Variants in NRK observed in about 807,000 individuals in gnomAD.
NRK encodes nik-related protein kinase.
A neutral mutation model predicts 125.2 loss-of-function variants in NRK; 67 were observed. The ratio of observed to expected loss-of-function variants is 0.54; its 90% CI spans 0.44 to 0.66. The LOEUF (loss-of-function observed/expected upper bound fraction) is 0.66, where lower values mean the gene tolerates loss of function less well. Among genes scored for constraint, NRK ranks in the 30% least tolerant of loss-of-function variants. The pLI, the probability that NRK is intolerant of heterozygous loss-of-function variation, is 0.00. For synonymous variants in NRK, 458 were observed against 429.0 expected (o/e 1.07, Z -0.84); for missense variants, 1,224 against 1,192.9 (o/e 1.03, Z -0.38).
intron 2 of NRK, among the ~76,000 whole-genome samples, chrX:105,850,986 A>C (rs758768808): frequency 8.9e-6 from 1 of 112,125 alleles, no homozygotes; most frequent in African/African-American, 3.2e-5. Context: ...ATTTACTGCA[A>C]TAATAGTCTG....
chrX:105,947,442 CAAAAAAAAAA>C (rs753072138), intron 26 of NRK, among the ~76,000 whole-genome samples: 6 of 17,789 alleles, frequency 3.4e-4, no homozygotes, highest in Admixed American at 3.1e-3. Flanking sequence ...GACTCCGTCT[CAAAAAAAAAA>C]AAAAAAAAAA....
At chrX:105,906,368 C>A in intron 10 of NRK, 46 bp from the exon 11 acceptor site, 1 of 775,266 alleles carries the variant, frequency 1.3e-6, no homozygotes, top group Non-Finnish European at 1.8e-6. Flanking sequence ...AGAGGTCTGA[C>A]AGGACTGAGA....
chrX:105,866,411 A>T (rs1331719959), intron 2 of NRK, among the ~76,000 whole-genome samples: 2 of 112,032 alleles, frequency 1.8e-5, no homozygotes, highest in African/African-American at 6.5e-5. Context: ...ACTAAAAAAT[A>T]ATCAAGGTTA....
At chrX:105,945,824 C>G (rs371962842) in intron 24 of NRK, 48 bp from the exon 25 acceptor site, 91 of 1,123,197 alleles carry the variant, frequency 8.1e-5, no homozygotes, top group Non-Finnish European at 1.1e-4. Context: ...GAGTACATAC[C>G]CAGTATATGG....
rs1307484850 is a variant in NRK at position 105,909,089 on chromosome X, C to T, written c.1448C>T (p.Ala483Val). ...GCCAGGGTGCTCATGCCACTACAGG[C>T]ACAGGTTAGGGCACCTAGGCTTCTG... ...RAARVLMPLQ[A>V]QVRAPRLLQV... The change falls in exon 13 of 29, where the codon GCA (alanine) becomes GTA (valine). Residue 483 changes from alanine (A) to valine (V), a missense_variant. Coordinates refer to ENST00000243300, the MANE Select transcript of NRK (RefSeq NM_198465.4). 1.7e-6 allele frequency: 2 copies of T among 1,209,187 alleles called. No individual in the cohort carries two copies. The highest frequency in any genetic ancestry group is 3.5e-5 in the African/African-American group (2 of 57,152).
intron 16 of NRK, among the ~76,000 whole-genome samples, chrX:105,921,692 TA>T (rs1329987400): frequency 5.3e-4 from 58 of 108,668 alleles, no homozygotes; most frequent in Non-Finnish European, 2.1e-4. Context: ...TAGATAGAGA[TA>T]TTTGGTAAGT....
In NRK at chrX:105,898,729, T is replaced by A; in HGVS notation, c.711+15T>A. 1 of 1,121,319 alleles carries A rather than the reference T, an allele frequency of 8.9e-7. No homozygotes were observed. The highest frequency in any genetic ancestry group is 1.8e-5 in the African/African-American group (1 of 54,484). 92.4% of individuals were successfully genotyped at this position (1,121,319 alleles called of 1,213,427 possible). ...ATGATTACAGAGTGAGTGTGAGAATTCAGCCAGTGGAAATTACAATTTGGA... is the reference window on the plus strand; with the variant it reads ...ATGATTACAGAGTGAGTGTGAGAATACAGCCAGTGGAAATTACAATTTGGA... On this transcript the variant is annotated intron_variant, in intron 8 of 28. Transcript: ENST00000243300.
intron 2 of NRK, among the ~76,000 whole-genome samples, chrX:105,864,583 C>T (rs2039646539): frequency 9.0e-6 from 1 of 111,244 alleles, no homozygotes. Context: ...TACACATACA[C>T]ACACACACAC....
intron 2 of NRK, among the ~76,000 whole-genome samples, chrX:105,843,591 T>C (rs2039356799): frequency 8.9e-6 from 1 of 112,261 alleles, no homozygotes; most frequent in Admixed American, 9.4e-5. Flanking sequence ...TTAGCCTTAC[T>C]TTTTTATTAC....
chrX:105,881,465 A>G (rs1431977831), intron 3 of NRK, among the ~76,000 whole-genome samples: 4 of 112,127 alleles, frequency 3.6e-5, no homozygotes, highest in Non-Finnish European at 5.6e-5. Context: ...AAAGCACTTT[A>G]CTAATAACAA....
At chrX:105,844,415 T>C (rs2039375185) in intron 2 of NRK, among the ~76,000 whole-genome samples, 1 of 111,881 alleles carries the variant, frequency 8.9e-6, no homozygotes, top group African/African-American at 3.2e-5. Context: ...GTTGGTTATT[T>C]GATGGAAATT....
intron 2 of NRK, among the ~76,000 whole-genome samples, chrX:105,849,923 A>G (rs763922529): frequency 1.7e-4 from 19 of 111,679 alleles, no homozygotes; most frequent in Non-Finnish European, 3.0e-4. Flanking sequence ...TGAATTTACA[A>G]TTCTGGGGTC....
At position 105,900,671 on chromosome X, in the gene NRK, T is replaced by C; in HGVS notation, c.765T>C (p.Pro255=). ...CCATTGAAATGGCTGAAGGAGCCCC[T>C]CGTGAGTAAAAAATGTTTGATATTT... ...ITAIEMAEGA[P]PLCNLQPLEA... The change falls in exon 9 of 29, where the codon CCT becomes CCC. Residue 255 remains proline (P), a splice_region_variant and synonymous_variant. Transcript: ENST00000243300. 9.1e-7 allele frequency: 1 copy of C among 1,103,101 alleles called. No individual in the cohort carries two copies. Among genetic ancestry groups the C allele is most frequent in the Non-Finnish European group, 1.2e-6 (1 of 800,640 alleles). The allele number at this position is 1,103,101 out of a possible 1,213,427, so 90.9% of individuals were successfully genotyped here.
rs193157778 is a variant in NRK, at chrX:105,888,574, T to A, written c.378+155T>A. Among the ~76,000 whole-genome samples the A allele has an allele frequency of 1.3e-4, 15 of 111,290 alleles. No homozygotes were observed. The East Asian group carries it at 4.2e-3, about 32-fold the overall frequency. On this transcript the variant is annotated intron_variant, in intron 5 of 28. Transcript: ENST00000243300. ...TATTAATCTGGTCTCACAATGCTATTAGGTTGGCGCAAAATAATCGTGGTT... is the reference window on the plus strand; with the variant it reads ...TATTAATCTGGTCTCACAATGCTATAAGGTTGGCGCAAAATAATCGTGGTT...
intron 2 of NRK, among the ~76,000 whole-genome samples, chrX:105,834,856 T>G (rs2147644367): frequency 9.0e-6 from 1 of 111,427 alleles, no homozygotes; most frequent in Non-Finnish European, 1.9e-5. Flanking sequence ...TTTTCATTTC[T>G]AGCATTTCTA....
chrX:105,950,736 C>T (rs755629529), intron 27 of NRK, among the ~76,000 whole-genome samples: 9 of 109,646 alleles, frequency 8.2e-5, no homozygotes, highest in Non-Finnish European at 1.5e-4. Context: ...TATGCGATGT[C>T]ATATGAACTA....
chrX:105,877,879 G>A (rs962745283), intron 2 of NRK, among the ~76,000 whole-genome samples: 1 of 110,796 alleles, frequency 9.0e-6, no homozygotes, highest in Non-Finnish European at 1.9e-5. Flanking sequence ...GCCATGGTTG[G>A]AATCTTTTAA....
chrX:105,924,189 G>A (rs1419040355), intron 18 of NRK, among the ~76,000 whole-genome samples: 1 of 109,350 alleles, frequency 9.1e-6, no homozygotes, highest in African/African-American at 3.3e-5. Context: ...GAACTTCCTT[G>A]GTGGGAGTAG....
intron 7 of NRK, among the ~76,000 whole-genome samples, chrX:105,897,043 A>G (rs2040093957): frequency 8.9e-6 from 1 of 112,253 alleles, no homozygotes; most frequent in South Asian, 3.7e-4. Flanking sequence ...TATGTAAATG[A>G]AAAACCACTG....
Sources: allele counts gnomAD v4.1 joint callset (sites outside exome capture counted in the v4.1 genomes callset), GRCh38; gene constraint gnomAD v4.1.1; transcripts MANE v1.5; gene names NCBI Gene and HGNC (gene_info 2026-07-23, HGNC 2026-07-21).